TBC1D19: variants seen among roughly 807,000 people sequenced by gnomAD.
TBC1D19 encodes the protein TBC1 domain family member 19.
In TBC1D19, 60 loss-of-function variants were observed where a neutral mutation model predicts 89.0. The ratio of observed to expected loss-of-function variants is 0.67; its 90% CI spans 0.55 to 0.84. TBC1D19 has a LOEUF of 0.84. Ranked by LOEUF, TBC1D19 falls within the 40% of genes least tolerant of loss-of-function variation. The pLI, the probability that TBC1D19 is intolerant of heterozygous loss-of-function variation, is 0.00. For synonymous variants in TBC1D19, 189 were observed against 199.7 expected (o/e 0.95, Z 0.45); for missense variants, 500 against 610.8 (o/e 0.82, Z 1.91).
intron 11 of TBC1D19, among the ~76,000 whole-genome samples, chr4:26,676,478 A>G (rs1712813404): frequency 1.3e-5 from 2 of 152,054 alleles, no homozygotes; most frequent in Admixed American, 1.3e-4. Context: ...AGCATTTTGG[A>G]AGGCTGAGCC....
intron 13 of TBC1D19, among the ~76,000 whole-genome samples, chr4:26,712,169 T>C (rs1161686619): frequency 6.6e-6 from 1 of 152,096 alleles, no homozygotes; most frequent in Non-Finnish European, 1.5e-5. Flanking sequence ...CTTGTTGTAT[T>C]ATTTTACCCT....
At chr4:26,587,576 CA>C (rs34107105) in intron 1 of TBC1D19, among the ~76,000 whole-genome samples, 111,529 of 119,010 alleles carry the variant, frequency 0.94, 52,256 homozygotes, top group Non-Finnish European at 0.97. Flanking sequence ...GACCTTGTCT[CA>C]AAAAAAAAAA....
At chr4:26,667,696 T>C (rs1027955731) in intron 9 of TBC1D19, among the ~76,000 whole-genome samples, 3 of 152,078 alleles carry the variant, frequency 2.0e-5, no homozygotes, top group African/African-American at 7.2e-5. Context: ...TATATTCTGC[T>C]GTGGAGTATA....
Position 26,673,804 on chromosome 4 carries a change from T to C in TBC1D19, c.732T>C (p.Ala244=). Residue 244 remains alanine (A), a synonymous_variant, in exon 11 of 21, where the codon GCT becomes GCC. Coordinates refer to ENST00000264866, the MANE Select transcript of TBC1D19 (RefSeq NM_018317.4). ...TAGCAGAACAAGATAGTGCTGCTGCTCAACAGTACATCAGACAAGGAAGTC... is the reference window on the plus strand; with the variant it reads ...TAGCAGAACAAGATAGTGCTGCTGCCCAACAGTACATCAGACAAGGAAGTC... ...KVLAEQDSAA[A]QQYIRQGSPT... 6.2e-7 allele frequency: 1 copy of C among 1,612,000 alleles called. No homozygotes were observed. The highest frequency in any genetic ancestry group is 1.1e-5 in the South Asian group (1 of 90,944).
At chr4:26,647,176 G>A (rs1048097199) in intron 7 of TBC1D19, among the ~76,000 whole-genome samples, 1 of 152,094 alleles carries the variant, frequency 6.6e-6, no homozygotes, top group Non-Finnish European at 1.5e-5. Context: ...AAAAAGAAAA[G>A]ATAATGATCA....
chr4:26,580,387 G>A (rs1277244632), upstream of TBC1D19, among the ~76,000 whole-genome samples: 2 of 152,172 alleles, frequency 1.3e-5, no homozygotes, highest in Admixed American at 6.5e-5. Context: ...GACATCCCGA[G>A]GCAGGCAGAG....
chr4:26,577,895 A>G (rs1045733668), intron 1 of TBC1D19, among the ~76,000 whole-genome samples: 5 of 152,254 alleles, frequency 3.3e-5, no homozygotes, highest in South Asian at 2.1e-4. Context: ...ATTTTGGAAT[A>G]CATACATAGT....
intron 1 of TBC1D19, 52 bp from the exon 2 acceptor site, chr4:26,613,117 G>A (rs377617026): frequency 6.7e-5 from 83 of 1,237,430 alleles, no homozygotes; most frequent in Admixed American, 1.0e-4. Flanking sequence ...GATTTACTTT[G>A]GATATCTTTT....
the TBC1D19 span, among the ~76,000 whole-genome samples, chr4:26,837,771 G>A: frequency 6.6e-6 from 1 of 152,150 alleles, no homozygotes; most frequent in Non-Finnish European, 1.5e-5. Context: ...GGATGCATGT[G>A]GGGTGCGGGT....
the TBC1D19 span, among the ~76,000 whole-genome samples, chr4:26,775,683 T>C: frequency 6.6e-6 from 1 of 152,146 alleles, no homozygotes; most frequent in Non-Finnish European, 1.5e-5. Flanking sequence ...TAACTTTCTG[T>C]TCTTTATAAA....
intron 1 of TBC1D19, among the ~76,000 whole-genome samples, chr4:26,600,312 G>A (rs1352596469): frequency 6.6e-6 from 1 of 152,156 alleles, no homozygotes; most frequent in Admixed American, 6.5e-5. Flanking sequence ...GCTGCTGTTT[G>A]TCCTTTAATC....
chr4:26,773,430 A>G, the TBC1D19 span, among the ~76,000 whole-genome samples: 88 of 152,282 alleles, frequency 5.8e-4, no homozygotes, highest in African/African-American at 2.0e-3. Context: ...GTTCACTTTA[A>G]TAATAGTTTA....
At chr4:26,706,976 G>A (rs1049146196) in intron 13 of TBC1D19, among the ~76,000 whole-genome samples, 6 of 151,764 alleles carry the variant, frequency 4.0e-5, no homozygotes, top group African/African-American at 1.5e-4. Flanking sequence ...TGTCCCATGT[G>A]CATTTACATG....
Position 26,614,413 on chromosome 4 carries a change from G to A in TBC1D19, c.178G>A (p.Glu60Lys). Residue 60 changes from glutamate to lysine, a missense_variant, in exon 3 of 21, where the codon GAG (glutamate) becomes AAG (lysine). Physicochemically the swap from Glu to Lys is moderately conservative, Grantham distance 56 (BLOSUM62 1). Around this residue, in one of 2 missense-constraint regions of TBC1D19, gnomAD observed 280 missense variants for 291.7 expected, o/e 0.96. Transcript: ENST00000264866. ...IKEFFKISGW[E>K]KKLQNAVYSE... ...ATTCTTTTTTTAAAAAACAGGTTGG[G>A]AGAAGAAACTTCAGAATGCTGTTTA... 6.3e-7 allele frequency: 1 copy of A among 1,589,984 alleles called. No individual in the cohort carries two copies. Among genetic ancestry groups the A allele is most frequent in the Non-Finnish European group, 8.6e-7 (1 of 1,169,032 alleles).
chr4:26,749,942 T>G (rs537283868), intron 19 of TBC1D19, among the ~76,000 whole-genome samples: 14 of 152,338 alleles, frequency 9.2e-5, no homozygotes, highest in Admixed American at 6.5e-4. Context: ...TCATTTCTTT[T>G]GGCTGAATGG....
the TBC1D19 span, among the ~76,000 whole-genome samples, chr4:26,793,378 G>A: frequency 9.9e-5 from 15 of 152,168 alleles, no homozygotes; most frequent in Non-Finnish European, 1.9e-4. Flanking sequence ...AATGTTCAAA[G>A]GGATCAAATC....
chr4:26,810,275 C>G, the TBC1D19 span, among the ~76,000 whole-genome samples: 2 of 152,238 alleles, frequency 1.3e-5, no homozygotes, highest in African/African-American at 4.8e-5. Context: ...CTCTTCGGAT[C>G]ATCTCCCAAT....
At chr4:26,719,902 G>C (rs975600178) in intron 14 of TBC1D19, among the ~76,000 whole-genome samples, 179 bp from the exon 15 acceptor site, 3 of 151,930 alleles carry the variant, frequency 2.0e-5, no homozygotes, top group Admixed American at 6.6e-5. Context: ...TTGATGAAAG[G>C]GTTTGCTAAT....
chr4:26,634,049 T>C (rs1370366424), intron 4 of TBC1D19, among the ~76,000 whole-genome samples: 1 of 151,064 alleles, frequency 6.6e-6, no homozygotes, highest in African/African-American at 2.4e-5. Flanking sequence ...GTATTTTCAA[T>C]GCTAGATAGA....
Sources: allele counts gnomAD v4.1 joint callset (sites outside exome capture counted in the v4.1 genomes callset), GRCh38; gene constraint gnomAD v4.1.1; regional missense constraint gnomAD v4.1.1; transcripts MANE v1.5; gene names NCBI Gene and HGNC (gene_info 2026-07-23, HGNC 2026-07-21).